Variants in HGS observed in about 807,000 individuals in gnomAD.
HGS encodes hepatocyte growth factor-regulated tyrosine kinase substrate.
Under a neutral mutation model 109.7 loss-of-function variants are expected in HGS, and 63 were observed. That is an observed-to-expected ratio of 0.57 (90% confidence interval 0.47 to 0.71). HGS has a LOEUF of 0.71. HGS is among the 30% of genes least tolerant of loss of function. The pLI is 0.00. For synonymous variants in HGS, 546 were observed against 437.3 expected (o/e 1.25, Z -3.10); for missense variants, 995 against 1,068.3 (o/e 0.93, Z 0.96).
chr17:81,684,286 G>A, intron 1 of HGS, 183 bp downstream of exon 1: 1 of 457,756 alleles, frequency 2.2e-6, no homozygotes, highest in Non-Finnish European at 3.5e-6. Flanking sequence ...CCGTGGGGTC[G>A]GCGTCCGTCG....
chr17:81,700,593 G>A lies in HGS; in HGVS notation c.2009G>A (p.Gly670Asp), dbSNP rs2037220739. ...YSSYQPTPTA[G>D]YQNVASQAPQ... Reference sequence around the variant, plus strand: ...TCCTACCAGCCTACTCCCACAGCGGGCTACCAGGTACACAGGAAGGCCGCT... The same window carrying A: ...TCCTACCAGCCTACTCCCACAGCGGACTACCAGGTACACAGGAAGGCCGCT... The change falls in exon 19 of 22, where the codon GGC becomes GAC. Residue 670 changes from glycine (G) to aspartate (D), a missense_variant. By Grantham distance (94) the Gly-to-Asp change is moderately conservative. Coordinates refer to ENST00000329138, the MANE Select transcript of HGS (RefSeq NM_004712.5). The A allele has an allele frequency of 2.5e-6, 4 of 1,605,136 alleles. No homozygotes were observed. The highest frequency in any genetic ancestry group is 3.4e-6 in the Non-Finnish European group (4 of 1,175,074).
chr17:81,688,920 G>C, intron 5 of HGS, 93 bp downstream of exon 5: 1 of 1,517,510 alleles, frequency 6.6e-7, no homozygotes, highest in Non-Finnish European at 9.1e-7. Context: ...CTGGGAAGAT[G>C]GGTTGTTCCC....
Position 81,696,761 on chromosome 17 carries a change from T to G in HGS, c.1707+14T>G, listed in dbSNP as rs746028635. The G allele has an allele frequency of 1.9e-5, 30 of 1,603,076 alleles. No homozygotes were observed. In the East Asian group the frequency reaches 6.3e-4, roughly 34 times the overall value. ...CCCTACGCCCAGGCATGTGCCATCC[T>G]CCCGCCACCCAGAGGCTTGTGGGCT... On this transcript the variant is annotated intron_variant, in intron 17 of 21. Transcript: ENST00000329138.
At chr17:81,694,701 A>C (rs1598748042) in intron 11 of HGS, 114 bp from the exon 12 acceptor site, 1 of 1,251,658 alleles carries the variant, frequency 8.0e-7, no homozygotes, top group Non-Finnish European at 1.2e-6. Flanking sequence ...GCACGGAGGG[A>C]GGGCCCAGGC....
At chr17:81,689,551 G>A (rs1568213715) in intron 5 of HGS, among the ~76,000 whole-genome samples, 2 of 152,162 alleles carry the variant, frequency 1.3e-5, no homozygotes, top group South Asian at 2.1e-4. Flanking sequence ...ACATCTGTGC[G>A]GGTTCTCTGT....
At chr17:81,699,779 A>T (rs752376294) in intron 18 of HGS, among the ~76,000 whole-genome samples, 1 of 152,176 alleles carries the variant, frequency 6.6e-6, no homozygotes, top group Admixed American at 6.5e-5. Flanking sequence ...AAGTCACAAC[A>T]AAAAGGAAAA....
chr17:81,696,259 G>A, intron 15 of HGS, 98 bp from the exon 16 acceptor site: 1 of 1,385,904 alleles, frequency 7.2e-7, no homozygotes, highest in East Asian at 2.5e-5. Context: ...CTCTGCAGAA[G>A]GTTGGGCACA....
In HGS at chr17:81,695,064, G is replaced by A; in HGVS notation, c.1116G>A (p.Val372=). The change falls in exon 13 of 22, where the codon GTG becomes GTA. Residue 372 remains valine (V), a synonymous_variant. Transcript: ENST00000329138. ...GEGHAAPTNV[V]ENPLPETDSQ... is the part of the protein sequence containing the mutation. ...GGCACGCAGCCCCCACCAACGTGGTGGAGGTGAGGGGGCCACTCCCGGCAT... is the reference window on the plus strand; with the variant it reads ...GGCACGCAGCCCCCACCAACGTGGTAGAGGTGAGGGGGCCACTCCCGGCAT... 6.2e-7 allele frequency: 1 copy of A among 1,612,962 alleles called. No individual in the cohort carries two copies.
chr17:81,698,262 A>G (rs2037184388), intron 18 of HGS: 2 of 152,140 alleles, frequency 1.3e-5, no homozygotes, highest in African/African-American at 4.8e-5. Context: ...GCACCACCAC[A>G]CTCTAGCCTG....
At chr17:81,693,388 C>T (rs2037093709) in intron 8 of HGS, 115 bp from the exon 9 acceptor site, 6 of 764,740 alleles carry the variant, frequency 7.8e-6, no homozygotes, top group Non-Finnish European at 1.4e-5. Flanking sequence ...TGTGGAACCA[C>T]TGTCCTCACT....
chr17:81,690,878 C>A, intron 7 of HGS, 136 bp downstream of exon 7: 1 of 689,970 alleles, frequency 1.4e-6, no homozygotes, highest in Non-Finnish European at 2.4e-6. Context: ...CAGCGGGTGG[C>A]AGTGTGGCGT....
Position 81,691,137 on chromosome 17 carries a change from G to A in HGS, c.538-310G>A. The A allele has an allele frequency of 2.3e-6, 1 of 430,090 alleles. No homozygotes were observed. Among genetic ancestry groups the A allele is most frequent in the Non-Finnish European group, 4.2e-6 (1 of 235,662 alleles). The allele number at this position is 430,090 out of a possible 1,614,324, so 26.6% of individuals were successfully genotyped here. A position where few individuals can be genotyped will look rare whatever the true frequency, so the allele number is the denominator to read the frequency against. ...ACCGGCAGTGCTTGGGGTTTGGGGT[G>A]TCAGCAGCTTCCAGCACCCACTGCA... On this transcript the variant is annotated intron_variant, in intron 7 of 21. Transcript: ENST00000329138. This position sits in a 1 kb window ranked among gnomAD's most constrained non-coding sequence, Gnocchi z 5.3.
chr17:81,690,178 C>T lies in HGS; in HGVS notation c.416-4C>T. ...AGGCAGTGACTATGGCTTCATCTCT[C>T]CAGGGCACGTCTTTCCAGAATTCAA... On this transcript the variant is annotated splice_region_variant and splice_polypyrimidine_tract_variant and intron_variant, in intron 5 of 21. Transcript: ENST00000329138. 6.2e-7 allele frequency: 1 copy of T among 1,613,580 alleles called. No homozygotes were observed. Among genetic ancestry groups the T allele is most frequent in the Non-Finnish European group, 8.5e-7 (1 of 1,179,648 alleles).
In HGS at chr17:81,695,838, C is replaced by T. The variant is rs141864583; in HGVS notation, c.1232C>T (p.Ala411Val). 50 of 1,613,420 alleles carry T rather than the reference C, an allele frequency of 3.1e-5. No individual in the cohort carries two copies. The highest frequency in any genetic ancestry group is 9.3e-5 in the African/African-American group (7 of 74,928). The change falls in exon 15 of 22, where the codon GCG (alanine) becomes GTG (valine). Residue 411 changes from alanine to valine, a missense_variant. Transcript: ENST00000329138. ...SEESHEQFLKALQNAVTTFVN... is the reference protein window; with the variant it reads ...SEESHEQFLKVLQNAVTTFVN... ...GAGAGCCACGAGCAGTTCCTGAAGGCGCTGCAGAACGCCGTCACCACCTTC... is the reference window on the plus strand; with the variant it reads ...GAGAGCCACGAGCAGTTCCTGAAGGTGCTGCAGAACGCCGTCACCACCTTC...
rs995523985 is a variant in HGS, at chr17:81,691,733, G to A, written c.662+162G>A. On this transcript the variant is annotated intron_variant, in intron 8 of 21. Coordinates refer to ENST00000329138, the MANE Select transcript of HGS (RefSeq NM_004712.5). The surrounding 1 kb of genome is among the most constrained non-coding windows in gnomAD (Gnocchi z 5.3). ...AAACCCAGGGTGGCCGCATGCCCTC[G>A]GACCCTGCCCCACACTAGGGCAGGT... 26 of 850,880 alleles carry A rather than the reference G, an allele frequency of 3.1e-5. No individual in the cohort carries two copies. The highest frequency in any genetic ancestry group is 1.4e-4 in the African/African-American group (8 of 59,208). The allele number at this position is 850,880 out of a possible 1,614,324, so 52.7% of individuals were successfully genotyped here.
intron 5 of HGS, 37 bp from the exon 6 acceptor site, chr17:81,690,145 G>A: frequency 6.2e-7 from 1 of 1,603,902 alleles, no homozygotes; most frequent in South Asian, 1.1e-5. Context: ...TGCAGGCCAG[G>A]TGGGAGCAGG....
At chr17:81,686,740 G>A (rs1050916395) in intron 3 of HGS, among the ~76,000 whole-genome samples, 10 of 152,204 alleles carry the variant, frequency 6.6e-5, no homozygotes, top group Admixed American at 4.6e-4. Context: ...CTGGCCTGAC[G>A]GGCCTGTTGA....
chr17:81,697,362 C>T (rs1383804194), intron 18 of HGS: 1 of 150,506 alleles, frequency 6.6e-6, no homozygotes, highest in Non-Finnish European at 1.4e-5. Context: ...CCCCCCCCCC[C>T]CGCCTTTAAT....
At chr17:81,685,158 A>T in intron 1 of HGS, 1 of 727,914 alleles carries the variant, frequency 1.4e-6, no homozygotes, top group Non-Finnish European at 1.7e-6. Context: ...TCTACACTGC[A>T]GGCCTCTCTA....
Sources: gnomAD v4.1 joint callset for allele counts (sites outside exome capture counted in the v4.1 genomes callset) on GRCh38, gnomAD v4.1.1 for gene constraint, Gnocchi (gnomAD v3.1) non-coding constraint, MANE v1.5 for transcripts, NCBI Gene and HGNC (gene_info 2026-07-23, HGNC 2026-07-21) for gene names.